The following ZNF385B variants were observed in gnomAD, a reference collection of about 807,000 sequenced individuals.
The protein encoded by ZNF385B is zinc finger protein 533.
A neutral mutation model predicts 39.2 loss-of-function variants in ZNF385B; 23 were observed. That is an observed-to-expected ratio of 0.59 (90% CI 0.42 to 0.83). The LOEUF (loss-of-function observed/expected upper bound fraction) is 0.83. Ranked by LOEUF, ZNF385B falls within the 40% of genes least tolerant of loss-of-function variation. The probability of loss-of-function intolerance (pLI) is 0.00; values close to 1 mark genes in which losing one functional copy is unlikely to be tolerated. For missense variants in ZNF385B, 552 were observed against 598.9 expected (o/e 0.92, Z 0.82); for synonymous variants, 205 against 222.6 (o/e 0.92, Z 0.70).
chr2:179,694,620 G>A (rs1477676638), intron 3 of ZNF385B, among the ~76,000 whole-genome samples: 2 of 152,102 alleles, frequency 1.3e-5, no homozygotes, highest in Non-Finnish European at 2.9e-5. Flanking sequence ...TTAAAGTATA[G>A]TTATAGGCTT....
chr2:179,735,776 T>G (rs189356951), intron 3 of ZNF385B, among the ~76,000 whole-genome samples: 12,469 of 148,622 alleles, frequency 0.084, 609 homozygotes, highest in Non-Finnish European at 0.11. Context: ...GTAAACTATC[T>G]CAAGAACTAA....
chr2:179,852,882 C>G (rs962230983), intron 1 of ZNF385B, among the ~76,000 whole-genome samples: 23 of 152,164 alleles, frequency 1.5e-4, no homozygotes, highest in African/African-American at 5.5e-4. Context: ...AATGACTACA[C>G]TAGAGATGGC....
intron 6 of ZNF385B, among the ~76,000 whole-genome samples, chr2:179,474,757 C>T (rs548006624): frequency 1.3e-5 from 2 of 152,140 alleles, no homozygotes; most frequent in East Asian, 1.9e-4. Context: ...TACAAGGTGT[C>T]GCTGTCATCT....
chr2:179,854,837 C>T lies in ZNF385B; in HGVS notation c.-155+6264G>A, dbSNP rs1361684698. Among the ~76,000 whole-genome samples, 4 of 152,156 alleles carry T rather than the reference C, an allele frequency of 2.6e-5. No homozygotes were observed. In the East Asian group the frequency reaches 5.8e-4, roughly 22 times the overall value. On this transcript the variant is annotated intron_variant, in intron 1 of 9. Transcript: ENST00000410066. Reference sequence around the variant, plus strand: ...TCTTAATTGTGTTATTAAAAAAGTACACATCACATCACAGTATGGAAAATA... The same window carrying T: ...TCTTAATTGTGTTATTAAAAAAGTATACATCACATCACAGTATGGAAAATA...
At position 179,634,816 on chromosome 2, in the gene ZNF385B, A is replaced by G. The variant is rs539957010; in HGVS notation, c.299-89847T>C. 3.9e-5 allele frequency among the ~76,000 whole-genome samples: 6 copies of G among 152,222 alleles called. No homozygotes were observed. In the East Asian group the frequency reaches 9.7e-4, roughly 25 times the overall value. On this transcript the variant is annotated intron_variant, in intron 3 of 9. Transcript: ENST00000410066. ...TTGGAACCAACCCAGATGTCCCTCA[A>G]TGATAGACTGGATTAAGAAAATGTG...
intron 3 of ZNF385B, among the ~76,000 whole-genome samples, chr2:179,634,394 A>G (rs1212660403): frequency 6.6e-6 from 1 of 152,236 alleles, no homozygotes; most frequent in Non-Finnish European, 1.5e-5. Context: ...TGGGCAAAAG[A>G]TATGAACAGA....
At chr2:179,483,224 G>A (rs746420198) in intron 6 of ZNF385B, 48 bp downstream of exon 6, 15 of 1,604,280 alleles carry the variant, frequency 9.3e-6, no homozygotes, top group Non-Finnish European at 1.3e-5. Flanking sequence ...TCAGGGCAGG[G>A]GAACAGGAGA....
At chr2:179,486,560 C>T (rs534564480) in intron 5 of ZNF385B, among the ~76,000 whole-genome samples, 6 of 152,242 alleles carry the variant, frequency 3.9e-5, no homozygotes, top group East Asian at 3.9e-4. Flanking sequence ...GTAGGAAATA[C>T]GTACTTAATT....
At chr2:179,671,541 G>A (rs1238233890) in intron 3 of ZNF385B, among the ~76,000 whole-genome samples, 1 of 152,168 alleles carries the variant, frequency 6.6e-6, no homozygotes, top group Non-Finnish European at 1.5e-5. Flanking sequence ...ACCTATTATT[G>A]TCCAAGATGC....
intron 1 of ZNF385B, among the ~76,000 whole-genome samples, chr2:179,819,713 C>G (rs1559223932): frequency 6.6e-6 from 1 of 152,176 alleles, no homozygotes. Context: ...GTGTCCAAAC[C>G]TCAAGGACAG....
chr2:179,696,858 A>T (rs1042922597), intron 3 of ZNF385B, among the ~76,000 whole-genome samples: 1 of 152,164 alleles, frequency 6.6e-6, no homozygotes, highest in African/African-American at 2.4e-5. Flanking sequence ...TAATATTCTC[A>T]ATGCTGGGAC....
chr2:179,524,843 C>T (rs182665107), intron 4 of ZNF385B, among the ~76,000 whole-genome samples: 232 of 152,106 alleles, frequency 1.5e-3, no homozygotes, highest in African/African-American at 5.3e-3. Context: ...TTTTTTTTCC[C>T]CTCTGACAGT....
chr2:179,683,707 A>T (rs1268096478), intron 3 of ZNF385B, among the ~76,000 whole-genome samples: 1 of 152,032 alleles, frequency 6.6e-6, no homozygotes, highest in African/African-American at 2.4e-5. Flanking sequence ...AACTCCTGAC[A>T]TCAGGTGATC....
intron 4 of ZNF385B, among the ~76,000 whole-genome samples, chr2:179,541,791 C>T (rs2059933874): frequency 1.4e-5 from 2 of 140,356 alleles, no homozygotes; most frequent in Admixed American, 1.4e-4. Context: ...CTGAAAATTG[C>T]CTTCCACACT....
intron 4 of ZNF385B, among the ~76,000 whole-genome samples, chr2:179,529,702 T>C (rs1380743103): frequency 6.6e-6 from 1 of 152,168 alleles, no homozygotes. Flanking sequence ...ATGTTTTGTA[T>C]GTGGAGAAGT....
At chr2:179,816,352 C>T (rs1440887064) in intron 1 of ZNF385B, among the ~76,000 whole-genome samples, 1 of 152,144 alleles carries the variant, frequency 6.6e-6, no homozygotes, top group East Asian at 1.9e-4. Flanking sequence ...TGCCTTGGTC[C>T]CCGCCGAAGG....
chr2:179,663,713 C>CAAAAAAAA lies in ZNF385B; in HGVS notation c.298+105782_298+105789dup, dbSNP rs71401756. 9.2e-4 allele frequency among the ~76,000 whole-genome samples: 62 copies of CAAAAAAAA among 67,724 alleles called. 2 individuals are homozygous for CAAAAAAAA. Among genetic ancestry groups the CAAAAAAAA allele is most frequent in the African/African-American group, 2.0e-3 (29 of 14,622 alleles). 44.4% of individuals were successfully genotyped at this position (67,724 alleles called of 152,430 possible). The stretch of plus-strand genomic sequence containing the variant: ...TGGGCGACAGAGCGAGACTCCGTCT[C>CAAAAAAAA]AAAAAAAAAAAAAAAAAAAAAAAAA... On this transcript the variant is annotated intron_variant, in intron 3 of 9. Coordinates refer to ENST00000410066, the MANE Select transcript of ZNF385B (RefSeq NM_152520.6).
chr2:179,597,847 C>T (rs1251121050), intron 3 of ZNF385B, among the ~76,000 whole-genome samples: 1 of 151,992 alleles, frequency 6.6e-6, no homozygotes, highest in Non-Finnish European at 1.5e-5. Context: ...GTTGAAGTGT[C>T]CCAATACCAA....
intron 5 of ZNF385B, among the ~76,000 whole-genome samples, chr2:179,492,524 A>G (rs1193116949): frequency 6.6e-6 from 1 of 152,228 alleles, no homozygotes; most frequent in Admixed American, 6.5e-5. Flanking sequence ...ATTAGAATTT[A>G]CATTGTGTCT....
Sources: gnomAD v4.1 joint callset for allele counts (sites outside exome capture counted in the v4.1 genomes callset) on GRCh38, gnomAD v4.1.1 for gene constraint, MANE v1.5 for transcripts, NCBI Gene and HGNC (gene_info 2026-07-23, HGNC 2026-07-21) for gene names.